AGTPBP1: variants seen among roughly 807,000 people sequenced by gnomAD.
AGTPBP1 encodes the protein ATP/GTP binding carboxypeptidase 1, also known as cytosolic carboxypeptidase 1.
A neutral mutation model predicts 143.9 loss-of-function variants in AGTPBP1; 70 were observed. The observed-to-expected ratio is 0.49, with a 90% CI of 0.40 to 0.59. AGTPBP1 has a LOEUF of 0.59. Ranked by LOEUF, AGTPBP1 falls within the 20% of genes least tolerant of loss-of-function variation. The pLI is 0.00. For synonymous variants in AGTPBP1, 463 were observed against 500.2 expected, an observed-to-expected ratio of 0.93 and a Z score of 0.99; for missense variants, 1,229 against 1,464.5, an observed-to-expected ratio of 0.84 and a Z score of 2.62.
intron 1 of AGTPBP1, among the ~76,000 whole-genome samples, chr9:85,713,181 A>G (rs1837489582): frequency 6.6e-6 from 1 of 152,216 alleles, no homozygotes; most frequent in South Asian, 2.1e-4. Context: ...ACCAATGCTT[A>G]CTGTAGCAGA....
chr9:85,779,829 T>A, the AGTPBP1 span, among the ~76,000 whole-genome samples: 5 of 152,112 alleles, frequency 3.3e-5, no homozygotes, highest in Non-Finnish European at 7.4e-5. Context: ...CACTACACAC[T>A]CTACCCTGGG....
the AGTPBP1 span, among the ~76,000 whole-genome samples, chr9:85,772,358 T>C: frequency 2.6e-5 from 4 of 152,124 alleles, no homozygotes; most frequent in African/African-American, 9.7e-5. Flanking sequence ...TGATTATTTT[T>C]CTGGAGAGGT....
chr9:85,592,810 C>G, intron 18 of AGTPBP1, 106 bp from the exon 19 acceptor site: 4 of 1,371,272 alleles, frequency 2.9e-6, no homozygotes, highest in Non-Finnish European at 4.0e-6. Flanking sequence ...AAACCCGAGT[C>G]TGTAAAAAGT....
intron 25 of AGTPBP1, among the ~76,000 whole-genome samples, chr9:85,566,529 CAAA>C (rs72129899): frequency 3.8e-5 from 3 of 78,546 alleles, no homozygotes; most frequent in Admixed American, 1.5e-4. Flanking sequence ...GACCATGTCT[CAAA>C]AAAAAAAAAA....
At chr9:85,566,393 G>T (rs1438314077) in intron 25 of AGTPBP1, among the ~76,000 whole-genome samples, 1 of 151,430 alleles carries the variant, frequency 6.6e-6, no homozygotes, top group Non-Finnish European at 1.5e-5. Flanking sequence ...AGCTGGGTGT[G>T]GTGGTATGTG....
the AGTPBP1 span, among the ~76,000 whole-genome samples, chr9:85,757,720 G>A: frequency 1.3e-5 from 2 of 151,768 alleles, no homozygotes; most frequent in Non-Finnish European, 2.9e-5. Context: ...AACAGTTTTA[G>A]AGAGATAAAA....
intron 2 of AGTPBP1, among the ~76,000 whole-genome samples, chr9:85,708,233 C>G (rs1837142564): frequency 6.6e-6 from 1 of 152,090 alleles, no homozygotes; most frequent in African/African-American, 2.4e-5. Context: ...ACATCTCCTA[C>G]TACTGACTCT....
intron 11 of AGTPBP1, among the ~76,000 whole-genome samples, chr9:85,652,074 C>T (rs1298727758): frequency 6.6e-6 from 1 of 152,152 alleles, no homozygotes; most frequent in Non-Finnish European, 1.5e-5. Context: ...AAGGCATGAT[C>T]AGACAGTTGG....
chr9:85,655,922 G>T (rs370393963), intron 10 of AGTPBP1, among the ~76,000 whole-genome samples: 1 of 152,144 alleles, frequency 6.6e-6, no homozygotes, highest in African/African-American at 2.4e-5. Flanking sequence ...CCGCCTCCTG[G>T]GTTCATACCA....
At chr9:85,620,288 T>C (rs1397884693) in intron 15 of AGTPBP1, among the ~76,000 whole-genome samples, 3 of 151,800 alleles carry the variant, frequency 2.0e-5, no homozygotes, top group African/African-American at 7.3e-5. Flanking sequence ...GTGGCATGTG[T>C]CTGTAGTCCC....
chr9:85,759,137 T>A, the AGTPBP1 span, among the ~76,000 whole-genome samples: 72 of 152,298 alleles, frequency 4.7e-4, no homozygotes, highest in African/African-American at 1.6e-3. Context: ...CTTAGAGACC[T>A]ACAAAGAGAC....
intron 3 of AGTPBP1, among the ~76,000 whole-genome samples, chr9:85,682,993 T>C (rs1564141051): frequency 6.6e-6 from 1 of 152,204 alleles, no homozygotes; most frequent in East Asian, 1.9e-4. Flanking sequence ...CATATTTATC[T>C]TAAAACAACA....
the AGTPBP1 span, among the ~76,000 whole-genome samples, chr9:85,779,232 TATAG>T: frequency 2.9e-4 from 43 of 146,450 alleles, no homozygotes; most frequent in African/African-American, 1.0e-3. Flanking sequence ...TAGATATAGA[TATAG>T]ATATAGATAT....
the AGTPBP1 span, among the ~76,000 whole-genome samples, chr9:85,751,935 G>C: frequency 1.3e-5 from 2 of 151,086 alleles, no homozygotes; most frequent in South Asian, 4.2e-4. Flanking sequence ...TGACCCTTAA[G>C]ATGTGGATGG....
chr9:85,698,817 C>T (rs542538878), intron 2 of AGTPBP1, among the ~76,000 whole-genome samples: 2 of 150,944 alleles, frequency 1.3e-5, no homozygotes, highest in Non-Finnish European at 2.9e-5. Context: ...CTCAGCCTCC[C>T]GAGTAGCTGG....
intron 11 of AGTPBP1, among the ~76,000 whole-genome samples, chr9:85,652,633 T>C (rs1006330267): frequency 6.6e-6 from 1 of 152,190 alleles, no homozygotes; most frequent in African/African-American, 2.4e-5. Flanking sequence ...TATACCTGGC[T>C]CTATGCATCG....
At chr9:85,547,438 T>G (rs906021778) in intron 25 of AGTPBP1, 152 bp from the exon 26 acceptor site, 14 of 611,836 alleles carry the variant, frequency 2.3e-5, no homozygotes, top group Non-Finnish European at 2.7e-5. Flanking sequence ...AGTTGAAATT[T>G]ATAATAGGTG....
the AGTPBP1 span, among the ~76,000 whole-genome samples, chr9:85,760,031 A>C: frequency 7.2e-5 from 11 of 152,144 alleles, no homozygotes; most frequent in African/African-American, 2.4e-4. Flanking sequence ...GAAATGGATA[A>C]ATTCCTGGAC....
chr9:85,599,930 C>T (rs1829556523), intron 17 of AGTPBP1, among the ~76,000 whole-genome samples: 1 of 152,108 alleles, frequency 6.6e-6, no homozygotes, highest in Non-Finnish European at 1.5e-5. Flanking sequence ...GTTTGAATTC[C>T]AACTTCACCA....
Sources: gnomAD v4.1 joint callset for allele counts (sites outside exome capture counted in the v4.1 genomes callset) on GRCh38, gnomAD v4.1.1 for gene constraint, MANE v1.5 for transcripts, NCBI Gene and HGNC (gene_info 2026-07-23, HGNC 2026-07-21) for gene names.